The following LINGO2 variants were observed in gnomAD, a reference collection of about 807,000 sequenced individuals.
LINGO2 encodes leucine-rich repeat and immunoglobulin-like domain-containing nogo receptor-interacting protein 2.
A neutral mutation model predicts 30.6 loss-of-function variants in LINGO2; 14 were observed. The ratio of observed to expected loss-of-function variants is 0.46; its 90% CI spans 0.30 to 0.72. The LOEUF (loss-of-function observed/expected upper bound fraction) is 0.72, where lower values mean the gene tolerates loss of function less well. Ranked by LOEUF, LINGO2 falls within the 30% of genes least tolerant of loss-of-function variation. The probability of loss-of-function intolerance (pLI) is 0.07; values close to 1 mark genes in which losing one functional copy is unlikely to be tolerated. For synonymous variants in LINGO2, 317 were observed against 288.5 expected (o/e 1.10, Z -1.00); for missense variants, 729 against 751.7 (o/e 0.97, Z 0.35).
chr9:28,188,066 C>T (rs1901563), intron 4 of LINGO2, among the ~76,000 whole-genome samples: 2,302 of 152,156 alleles, frequency 0.015, 27 homozygotes, highest in Non-Finnish European at 0.024. Flanking sequence ...TTAATATTTC[C>T]CTGCTATTTG....
At chr9:29,147,063 T>C in the LINGO2 span, among the ~76,000 whole-genome samples, 1 of 152,084 alleles carries the variant, frequency 6.6e-6, no homozygotes, top group Non-Finnish European at 1.5e-5. Flanking sequence ...ATCCAGAAAA[T>C]GAAACAGAAT....
intron 1 of LINGO2, among the ~76,000 whole-genome samples, chr9:28,570,934 C>A (rs927782083): frequency 4.1e-5 from 6 of 146,454 alleles, no homozygotes; most frequent in Non-Finnish European, 7.6e-5. Context: ...TAAATTGTAA[C>A]AACAAATCAA....
chr9:28,269,261 T>G (rs1822858632), intron 4 of LINGO2, among the ~76,000 whole-genome samples: 2 of 152,112 alleles, frequency 1.3e-5, no homozygotes, highest in Non-Finnish European at 2.9e-5. Context: ...GACTGAGATA[T>G]GGATTGATTC....
At chr9:28,619,312 C>T (rs1185941987) in intron 1 of LINGO2, among the ~76,000 whole-genome samples, 2 of 152,012 alleles carry the variant, frequency 1.3e-5, no homozygotes, top group South Asian at 2.1e-4. Context: ...TCAGAAGAAA[C>T]CTGAAAATTA....
the LINGO2 span, among the ~76,000 whole-genome samples, chr9:29,051,130 C>T: frequency 3.9e-5 from 6 of 152,062 alleles, no homozygotes; most frequent in African/African-American, 1.4e-4. Context: ...ACTTATAAAC[C>T]TACATTAACA....
At chr9:28,397,015 T>G (rs1214708119) in intron 2 of LINGO2, among the ~76,000 whole-genome samples, 1 of 152,156 alleles carries the variant, frequency 6.6e-6, no homozygotes, top group African/African-American at 2.4e-5. Context: ...CTAATCATAA[T>G]AAATTTATAT....
At chr9:28,026,234 C>T (rs1036854550) in intron 4 of LINGO2, among the ~76,000 whole-genome samples, 13 of 152,088 alleles carry the variant, frequency 8.5e-5, no homozygotes, top group African/African-American at 1.4e-4. Context: ...TTTTATTACT[C>T]GGGTAATTTT....
At chr9:28,863,980 G>A in the LINGO2 span, among the ~76,000 whole-genome samples, 1 of 151,994 alleles carries the variant, frequency 6.6e-6, no homozygotes, top group African/African-American at 2.4e-5. Context: ...TATGCAGGAT[G>A]AAAAAACAGG....
intron 5 of LINGO2, among the ~76,000 whole-genome samples, chr9:27,984,967 T>C (rs10968252): frequency 0.34 from 51,570 of 151,690 alleles, 8,883 homozygotes; most frequent in South Asian, 0.37. Context: ...CTGTAAACAA[T>C]AGAGTTTTAG....
chr9:28,376,331 G>A (rs1821130472), intron 2 of LINGO2, among the ~76,000 whole-genome samples: 1 of 152,124 alleles, frequency 6.6e-6, no homozygotes, highest in African/African-American at 2.4e-5. Flanking sequence ...AATAGCAGGG[G>A]CCATGGTTCC....
chr9:28,298,549 G>C (rs1824013563), intron 3 of LINGO2, among the ~76,000 whole-genome samples: 1 of 151,420 alleles, frequency 6.6e-6, no homozygotes. Context: ...TGGGAGTGGT[G>C]GTGCATGCCT....
At chr9:28,215,368 G>A (rs1055799549) in intron 4 of LINGO2, among the ~76,000 whole-genome samples, 3 of 151,686 alleles carry the variant, frequency 2.0e-5, no homozygotes, top group Non-Finnish European at 4.4e-5. Context: ...GGCAGTTGGC[G>A]ATGATTGTGG....
At chr9:28,534,282 G>A (rs1415953683) in intron 1 of LINGO2, among the ~76,000 whole-genome samples, 3 of 152,074 alleles carry the variant, frequency 2.0e-5, no homozygotes, top group Non-Finnish European at 4.4e-5. Flanking sequence ...TCAGCATCCT[G>A]AATTGCTGAG....
At chr9:28,634,684 T>G (rs1232295590) in intron 1 of LINGO2, among the ~76,000 whole-genome samples, 1 of 151,832 alleles carries the variant, frequency 6.6e-6, no homozygotes, top group Non-Finnish European at 1.5e-5. Context: ...CGGGGTTCCA[T>G]CATTTTGGCC....
the LINGO2 span, among the ~76,000 whole-genome samples, chr9:29,170,599 A>C: frequency 2.0e-5 from 3 of 152,136 alleles, no homozygotes; most frequent in Non-Finnish European, 4.4e-5. Flanking sequence ...AAATTAAAAA[A>C]AGAAAAAGAA....
chr9:28,448,170 A>T (rs1213856359), intron 2 of LINGO2, among the ~76,000 whole-genome samples: 1 of 152,160 alleles, frequency 6.6e-6, no homozygotes, highest in East Asian at 1.9e-4. Context: ...AGAATAAAGG[A>T]CAAATAAAAC....
At chr9:28,018,111 G>C (rs1342052159) in intron 4 of LINGO2, among the ~76,000 whole-genome samples, 2 of 152,032 alleles carry the variant, frequency 1.3e-5, no homozygotes, top group East Asian at 3.9e-4. Context: ...ATGGGGAAAG[G>C]GATACCTAGT....
intron 4 of LINGO2, among the ~76,000 whole-genome samples, chr9:28,244,438 C>G (rs1821924068): frequency 6.6e-6 from 1 of 151,650 alleles, no homozygotes; most frequent in Non-Finnish European, 1.5e-5. Context: ...TAGCAGAAGA[C>G]AAGAAATAAT....
intron 1 of LINGO2, among the ~76,000 whole-genome samples, chr9:28,628,893 T>A (rs1053358162): frequency 1.3e-5 from 2 of 152,224 alleles, no homozygotes; most frequent in South Asian, 4.1e-4. Context: ...GTGTAATACT[T>A]AACCAGCTCC....
Sources: allele counts gnomAD v4.1 joint callset (sites outside exome capture counted in the v4.1 genomes callset), GRCh38; gene constraint gnomAD v4.1.1; transcripts MANE v1.5; gene names NCBI Gene and HGNC (gene_info 2026-07-23, HGNC 2026-07-21).